Variants in HEG1 observed in about 807,000 individuals in gnomAD.
The protein encoded by HEG1 is heart development protein with EGF like domains 1.
In HEG1, 56 loss-of-function variants were observed where a neutral mutation model predicts 125.6. The ratio of observed to expected loss-of-function variants is 0.45; its 90% CI spans 0.36 to 0.56. The LOEUF is 0.56. HEG1 is among the 20% of genes least tolerant of loss of function. HEG1 has a pLI of 0.00. For synonymous variants in HEG1, 644 were observed against 668.5 expected, an observed-to-expected ratio of 0.96 and a Z score of 0.57; for missense variants, 1,523 against 1,670.0, an observed-to-expected ratio of 0.91 and a Z score of 1.53.
At chr3:125,005,205 G>C in intron 9 of HEG1, 60 bp downstream of exon 9, 1 of 1,008,342 alleles carries the variant, frequency 9.9e-7, no homozygotes, top group Non-Finnish European at 1.5e-6. Context: ...TCCCCTCTTG[G>C]AATAAAATCT....
intron 5 of HEG1, among the ~76,000 whole-genome samples, chr3:125,016,882 A>C (rs370934904): frequency 2.0e-4 from 30 of 152,354 alleles, no homozygotes; most frequent in African/African-American, 7.2e-4. Flanking sequence ...AAGCATTATT[A>C]AAAAGAAACA....
At chr3:124,990,531 C>A (rs1312005222) in intron 14 of HEG1, among the ~76,000 whole-genome samples, 1 of 152,062 alleles carries the variant, frequency 6.6e-6, no homozygotes, top group East Asian at 1.9e-4. Context: ...TAGAGACGGG[C>A]TTTCACCATG....
intron 15 of HEG1, among the ~76,000 whole-genome samples, chr3:124,976,970 G>A (rs1006984639): frequency 1.7e-4 from 26 of 152,310 alleles, no homozygotes; most frequent in African/African-American, 4.3e-4. Context: ...GTTCGGCTAT[G>A]TCCCCATCCA....
intron 6 of HEG1, among the ~76,000 whole-genome samples, chr3:125,011,243 C>A (rs1313518012): frequency 1.4e-5 from 2 of 140,720 alleles, no homozygotes; most frequent in East Asian, 5.0e-4. Flanking sequence ...CAAGTCTTCA[C>A]TCAAAAAAAA....
intron 4 of HEG1, 84 bp from the exon 5 acceptor site, chr3:125,019,681 G>C: frequency 9.4e-7 from 1 of 1,066,072 alleles, no homozygotes; most frequent in Non-Finnish European, 1.4e-6. Context: ...CCTCTCTAGG[G>C]AAAGATTCTT....
chr3:124,979,692 G>T (rs912237081), intron 14 of HEG1, among the ~76,000 whole-genome samples: 1 of 152,098 alleles, frequency 6.6e-6, no homozygotes, highest in Non-Finnish European at 1.5e-5. Context: ...CCAGCACTTT[G>T]GGAGGCCGAG....
chr3:124,985,011 T>C (rs904997053), intron 14 of HEG1, among the ~76,000 whole-genome samples: 7 of 152,228 alleles, frequency 4.6e-5, no homozygotes, highest in African/African-American at 1.2e-4. Flanking sequence ...CAGAACAGTA[T>C]GTTCAGTGAG....
At chr3:125,006,947 C>T (rs896810418) in intron 8 of HEG1, among the ~76,000 whole-genome samples, 9 of 152,056 alleles carry the variant, frequency 5.9e-5, no homozygotes, top group Non-Finnish European at 1.2e-4. Context: ...CGCCTGTAAT[C>T]CCAGCACTTT....
At position 125,005,362 on chromosome 3, in the gene HEG1, G is replaced by A. The variant is rs1439450340; in HGVS notation, c.3200C>T (p.Thr1067Ile). The change falls in exon 9 of 17, where the codon ACC becomes ATC. Residue 1067 changes from threonine to isoleucine, a missense_variant. Transcript: ENST00000311127. ...CTTTAATTTAAACTCTGTCACGAAG[G>A]TTCTAACTGAAAATGAAAATGTAAC... ...LEKGICNLVR[T>I]FVTEFKLKRT... The A allele has an allele frequency of 6.5e-7, 1 of 1,545,886 alleles. No individual in the cohort carries two copies. The highest frequency in any genetic ancestry group is 1.9e-5 in the Admixed American group (1 of 51,844).
At chr3:125,034,560 G>T (rs1247516967) in intron 1 of HEG1, among the ~76,000 whole-genome samples, 2 of 152,208 alleles carry the variant, frequency 1.3e-5, no homozygotes, top group Non-Finnish European at 2.9e-5. Context: ...CACTTTGGGA[G>T]ACCAAGGCAG....
intron 16 of HEG1, chr3:124,971,092 A>C (rs535036824): frequency 7.6e-6 from 4 of 526,934 alleles, no homozygotes; most frequent in Admixed American, 2.2e-5. Context: ...TAGGACCCCA[A>C]ACCAGGAGGC....
At chr3:124,998,213 G>A (rs73201565) in intron 11 of HEG1, among the ~76,000 whole-genome samples, 11,602 of 152,174 alleles carry the variant, frequency 0.076, 582 homozygotes, top group African/African-American at 0.14. Context: ...CAGAAAATAC[G>A]GCTGAGTTCT....
intron 9 of HEG1, among the ~76,000 whole-genome samples, chr3:125,003,818 T>C (rs1354861389): frequency 2.0e-5 from 3 of 152,212 alleles, no homozygotes; most frequent in Non-Finnish European, 4.4e-5. Context: ...AGCTCTGCCT[T>C]TGGAACTCTC....
chr3:125,034,893 A>G (rs1298794295), intron 1 of HEG1, among the ~76,000 whole-genome samples: 1 of 152,232 alleles, frequency 6.6e-6, no homozygotes, highest in Non-Finnish European at 1.5e-5. Context: ...AAGAGACAAA[A>G]AGAGTGAGAA....
chr3:125,011,420 C>G (rs568831015), intron 6 of HEG1, among the ~76,000 whole-genome samples: 135 of 152,356 alleles, frequency 8.9e-4, no homozygotes, highest in Non-Finnish European at 1.6e-3. Context: ...GCCAGTGAAT[C>G]TGCCCCTAAT....
At position 125,019,392 on chromosome 3, in the gene HEG1, G is replaced by A. The variant is rs1937302285; in HGVS notation, c.1458C>T (p.Thr486=). The A allele has an allele frequency of 6.2e-7, 1 of 1,613,850 alleles. No individual in the cohort carries two copies. ...ACTGTACAGTAGAGTCTGAGAACTGGGTCAACACTGAAGCATTCACACCTT... is the reference window on the plus strand; with the variant it reads ...ACTGTACAGTAGAGTCTGAGAACTGAGTCAACACTGAAGCATTCACACCTT... ...YPEGVNASVL[T]QFSDSTVQSG... is the part of the protein sequence containing the mutation. The change falls in exon 5 of 17, where the codon ACC becomes ACT. Residue 486 remains threonine, a synonymous_variant. Transcript: ENST00000311127.
At chr3:125,055,291 C>G (rs1446753336) in intron 1 of HEG1, among the ~76,000 whole-genome samples, 2 of 152,130 alleles carry the variant, frequency 1.3e-5, no homozygotes, top group Admixed American at 6.5e-5. Flanking sequence ...CTTTCCTTTC[C>G]ATTTTTTTTA....
In HEG1 at chr3:125,005,332, G is replaced by A. The variant is rs761592205; in HGVS notation, c.3230C>T (p.Thr1077Ile). The A allele has an allele frequency of 3.1e-6, 5 of 1,590,630 alleles. No homozygotes were observed. Among genetic ancestry groups the A allele is most frequent in the Non-Finnish European group, 4.3e-6 (5 of 1,169,586 alleles). Residue 1077 changes from threonine (T) to isoleucine (I), a missense_variant, in exon 9 of 17, where the codon ACT becomes ATT. Transcript: ENST00000311127. Reference sequence around the variant, plus strand: ...TTTTTCCACAGTTGTATTAAGAAAAGTTCTCTTTAATTTAAACTCTGTCAC... The same window carrying A: ...TTTTTCCACAGTTGTATTAAGAAAAATTCTCTTTAATTTAAACTCTGTCAC... ...TFVTEFKLKR[T>I]FLNTTVEKHS... is the part of the protein sequence containing the mutation.
chr3:125,019,446 A>G lies in HEG1; in HGVS notation c.1404T>C (p.Asp468=), dbSNP rs73189203. The change falls in exon 5 of 17, where the codon GAT becomes GAC. Residue 468 remains aspartate (D), a synonymous_variant. Transcript: ENST00000311127. ...WLLTNSTTSA[D]VTGSSASYPE... ...GATATGAAGCAGAGCTTCCTGTCAC[A>G]TCTGCAGATGTTGTGCTGTTGGTCA... 9,130 of 1,614,036 alleles carry G rather than the reference A, an allele frequency of 5.7e-3. 27 individuals are homozygous for G. Among genetic ancestry groups the G allele is most frequent in the Non-Finnish European group, 7.1e-3 (8,410 of 1,179,892 alleles).
Sources: allele counts gnomAD v4.1 joint callset (sites outside exome capture counted in the v4.1 genomes callset), GRCh38; gene constraint gnomAD v4.1.1; transcripts MANE v1.5; gene names NCBI Gene and HGNC (gene_info 2026-07-23, HGNC 2026-07-21).